The following CALN1 variants were observed in gnomAD, a reference collection of about 807,000 sequenced individuals.
The protein encoded by CALN1 is calneuron 1.
A neutral mutation model predicts 30.6 loss-of-function variants in CALN1; 17 were observed. That is an observed-to-expected ratio of 0.56 (90% CI 0.38 to 0.83). The LOEUF is 0.83. Among genes scored for constraint, CALN1 ranks in the 40% least tolerant of loss-of-function variants. The pLI, the probability that CALN1 is intolerant of heterozygous loss-of-function variation, is 0.00. For missense variants in CALN1, 291 were observed against 354.9 expected, an observed-to-expected ratio of 0.82 and a Z score of 1.45; for synonymous variants, 156 against 131.4, an observed-to-expected ratio of 1.19 and a Z score of -1.28.
chr7:72,273,906 G>A (rs1322807752), intron 3 of CALN1, among the ~76,000 whole-genome samples: 1 of 151,798 alleles, frequency 6.6e-6, no homozygotes, highest in African/African-American at 2.4e-5. Context: ...ATAGAAAAAA[G>A]CAATATAAAT....
intron 1 of CALN1, among the ~76,000 whole-genome samples, chr7:72,432,424 T>C (rs1808007592): frequency 6.6e-6 from 1 of 152,160 alleles, no homozygotes; most frequent in African/African-American, 2.4e-5. Context: ...CAATATTCTC[T>C]CTGCCTCCGG....
chr7:71,993,122 A>G (rs1265052013), intron 5 of CALN1, among the ~76,000 whole-genome samples: 1 of 152,080 alleles, frequency 6.6e-6, no homozygotes, highest in Non-Finnish European at 1.5e-5. Flanking sequence ...TTTTGTAGCC[A>G]GAAGGCAACA....
At chr7:72,207,340 G>A (rs1355007849) in intron 3 of CALN1, among the ~76,000 whole-genome samples, 3 of 152,118 alleles carry the variant, frequency 2.0e-5, no homozygotes, top group African/African-American at 7.2e-5. Context: ...TGTTTTTCAA[G>A]TCTCCCTTCA....
At chr7:72,198,469 A>C (rs1791191222) in intron 3 of CALN1, among the ~76,000 whole-genome samples, 1 of 152,166 alleles carries the variant, frequency 6.6e-6, no homozygotes. Flanking sequence ...GCAATTTTTC[A>C]AGTAAGGATC....
At chr7:71,939,743 C>T (rs1407006346) in intron 5 of CALN1, among the ~76,000 whole-genome samples, 1 of 152,046 alleles carries the variant, frequency 6.6e-6, no homozygotes, top group Non-Finnish European at 1.5e-5. Flanking sequence ...CTCTTTATAT[C>T]AACTAAGACA....
chr7:71,824,163 C>G (rs1328114952), intron 5 of CALN1, among the ~76,000 whole-genome samples: 1 of 152,112 alleles, frequency 6.6e-6, no homozygotes, highest in African/African-American at 2.4e-5. Context: ...TGCCAGGCCT[C>G]TCTGTTGTTT....
At chr7:72,483,340 A>G in the CALN1 span, among the ~76,000 whole-genome samples, 1 of 139,148 alleles carries the variant, frequency 7.2e-6, no homozygotes, top group Non-Finnish European at 1.5e-5. Context: ...GCTAGAGTGC[A>G]GTGGCACGAT....
At chr7:72,404,706 C>A (rs148461605) in intron 1 of CALN1, among the ~76,000 whole-genome samples, 1 of 152,142 alleles carries the variant, frequency 6.6e-6, no homozygotes, top group Non-Finnish European at 1.5e-5. Flanking sequence ...CATGCTCATG[C>A]CTGGGAAGTG....
At chr7:72,419,876 C>A (rs1807552014) in intron 1 of CALN1, among the ~76,000 whole-genome samples, 1 of 152,130 alleles carries the variant, frequency 6.6e-6, no homozygotes, top group Non-Finnish European at 1.5e-5. Context: ...GGGAAAAGAT[C>A]ACCTTCTCCC....
At chr7:72,375,921 T>C (rs1042031281) in intron 2 of CALN1, among the ~76,000 whole-genome samples, 1 of 152,200 alleles carries the variant, frequency 6.6e-6, no homozygotes, top group African/African-American at 2.4e-5. Flanking sequence ...CATTTTCCCC[T>C]TCTCCCCATC....
At chr7:71,826,008 G>A in intron 5 of CALN1, among the ~76,000 whole-genome samples, 1 of 136,184 alleles carries the variant, frequency 7.3e-6, no homozygotes, top group Non-Finnish European at 1.5e-5. Flanking sequence ...ACTCCAGCCT[G>A]GGGGACAGAG....
In CALN1 at chr7:72,408,660, A is replaced by G. The variant is rs148827009; in HGVS notation, c.-74+3398T>C. 8.6e-3 allele frequency among the ~76,000 whole-genome samples: 1,155 copies of G among 133,850 alleles called. 7 individuals carry two copies. Among genetic ancestry groups the G allele is most frequent in the Middle Eastern group, 0.019 (5 of 258 alleles). The allele number at this position is 133,850 out of a possible 152,430, so 87.8% of individuals were successfully genotyped here. A position where few individuals can be genotyped will look rare whatever the true frequency, so the allele number is the denominator to read the frequency against. On this transcript the variant is annotated intron_variant, in intron 1 of 6. Coordinates refer to ENST00000395275, the MANE Select transcript of CALN1 (RefSeq NM_031468.4). ...ATGAAAAGACATACAAATGACCACC[A>G]ATTATTATCTTTTCCTTTTTTTTTT...
At chr7:71,817,876 CTT>C (rs879296240) in intron 5 of CALN1, among the ~76,000 whole-genome samples, 27 of 146,154 alleles carry the variant, frequency 1.8e-4, no homozygotes, top group African/African-American at 5.5e-4. Flanking sequence ...TATAAACTTA[CTT>C]TTTTTTTTTT....
At chr7:71,935,133 A>G (rs896773778) in intron 5 of CALN1, among the ~76,000 whole-genome samples, 2 of 152,112 alleles carry the variant, frequency 1.3e-5, no homozygotes, top group African/African-American at 4.8e-5. Flanking sequence ...ACTGGTGTAG[A>G]TGTTGTTGTC....
intron 4 of CALN1, among the ~76,000 whole-genome samples, chr7:72,054,830 T>C (rs1803144321): frequency 6.6e-6 from 1 of 151,846 alleles, no homozygotes; most frequent in African/African-American, 2.4e-5. Context: ...GACAAAATAA[T>C]CCGTATGACA....
At chr7:72,434,006 G>T (rs1016572034) in intron 1 of CALN1, among the ~76,000 whole-genome samples, 1 of 151,842 alleles carries the variant, frequency 6.6e-6, no homozygotes, top group Admixed American at 6.6e-5. Context: ...GCTGCAGTGA[G>T]CTATGATCAT....
At chr7:72,099,354 GC>G (rs1450585587) in intron 4 of CALN1, among the ~76,000 whole-genome samples, 2 of 146,080 alleles carry the variant, frequency 1.4e-5, no homozygotes, top group East Asian at 4.0e-4. Flanking sequence ...AAACATCACT[GC>G]CATTCCACAT....
intron 3 of CALN1, among the ~76,000 whole-genome samples, chr7:72,241,096 C>A (rs990651531): frequency 2.0e-5 from 3 of 152,142 alleles, no homozygotes; most frequent in Admixed American, 1.3e-4. Flanking sequence ...TTACTACATT[C>A]TCTGGCACAC....
chr7:72,423,063 G>A (rs1172920143), intron 1 of CALN1, among the ~76,000 whole-genome samples: 1 of 147,962 alleles, frequency 6.8e-6, no homozygotes. Flanking sequence ...AGTGAGCTGA[G>A]ATCACGCCAC....
Sources: gnomAD v4.1 joint callset for allele counts (sites outside exome capture counted in the v4.1 genomes callset) on GRCh38, gnomAD v4.1.1 for gene constraint, MANE v1.5 for transcripts, NCBI Gene and HGNC (gene_info 2026-07-23, HGNC 2026-07-21) for gene names.